The following SLC6A17 variants were observed in gnomAD, a reference collection of about 807,000 sequenced individuals.
The protein encoded by SLC6A17 is solute carrier family 6 member 17.
A neutral mutation model predicts 64.5 loss-of-function variants in SLC6A17; 21 were observed. The ratio of observed to expected loss-of-function variants is 0.33; its 90% confidence interval spans 0.23 to 0.47. The LOEUF (loss-of-function observed/expected upper bound fraction) is 0.47. SLC6A17 is among the 20% of genes least tolerant of loss of function. The pLI is 1.00. For missense variants in SLC6A17, 682 were observed against 963.2 expected (o/e 0.71, Z 3.86); for synonymous variants, 372 against 399.5 (o/e 0.93, Z 0.82).
chr1:110,175,580 A>T (rs1402094097), intron 5 of SLC6A17, among the ~76,000 whole-genome samples: 1 of 152,234 alleles, frequency 6.6e-6, no homozygotes. Context: ...GAGATCCTGT[A>T]TCCCAGACTA....
At chr1:110,178,066 G>T (rs1226583842) in intron 6 of SLC6A17, 1 of 152,016 alleles carries the variant, frequency 6.6e-6, no homozygotes, top group African/African-American at 2.4e-5. Flanking sequence ...ATCTGACAAA[G>T]AAAAAATAAA....
At chr1:110,185,285 A>C (rs1412269331) in intron 6 of SLC6A17, among the ~76,000 whole-genome samples, 1 of 152,194 alleles carries the variant, frequency 6.6e-6, no homozygotes, top group East Asian at 1.9e-4. Flanking sequence ...CATGTGGTAA[A>C]TGTTAGCTAT....
chr1:110,175,133 C>T (rs1453058822), intron 5 of SLC6A17, among the ~76,000 whole-genome samples, 173 bp downstream of exon 5: 1 of 152,190 alleles, frequency 6.6e-6, no homozygotes, highest in African/African-American at 2.4e-5. Flanking sequence ...CCATGGACAG[C>T]CTACCCGGAA....
At chr1:110,188,094 T>G (rs1656731720) in intron 6 of SLC6A17, among the ~76,000 whole-genome samples, 1 of 152,240 alleles carries the variant, frequency 6.6e-6, no homozygotes, top group South Asian at 2.1e-4. Flanking sequence ...ATTCATATTT[T>G]GCTGCAGAAA....
At chr1:110,197,895 C>T (rs1298667416) in intron 11 of SLC6A17, among the ~76,000 whole-genome samples, 181 bp from the exon 12 acceptor site, 1 of 152,208 alleles carries the variant, frequency 6.6e-6, no homozygotes, top group Non-Finnish European at 1.5e-5. Context: ...GGAGAAACCA[C>T]CCTAGACCCT....
chr1:110,186,360 T>C (rs531159345), intron 6 of SLC6A17, among the ~76,000 whole-genome samples: 158 of 151,562 alleles, frequency 1.0e-3, no homozygotes, highest in African/African-American at 3.6e-3. Flanking sequence ...ATGGAAATCT[T>C]AATGATGGTA....
intron 2 of SLC6A17, among the ~76,000 whole-genome samples, chr1:110,171,859 G>T (rs1490076827): frequency 2.0e-5 from 3 of 152,128 alleles, no homozygotes; most frequent in Non-Finnish European, 2.9e-5. Context: ...GGGAGTCAAG[G>T]GGGAGAAGGA....
At chr1:110,158,940 T>C (rs1187398435) in intron 1 of SLC6A17, among the ~76,000 whole-genome samples, 5 of 152,236 alleles carry the variant, frequency 3.3e-5, no homozygotes, top group Admixed American at 6.5e-5. Flanking sequence ...GAAACTTTGA[T>C]GAACCCTTTC....
At chr1:110,170,408 C>T (rs943173662) in intron 2 of SLC6A17, among the ~76,000 whole-genome samples, 4 of 152,242 alleles carry the variant, frequency 2.6e-5, no homozygotes, top group East Asian at 3.9e-4. Context: ...GGTGTGAACC[C>T]GGGAGGCAGA....
chr1:110,165,523 A>C (rs1235026736), intron 1 of SLC6A17, among the ~76,000 whole-genome samples: 1 of 152,182 alleles, frequency 6.6e-6, no homozygotes, highest in Non-Finnish European at 1.5e-5. Context: ...AGCAGGTGTC[A>C]CCTGCTAATG....
chr1:110,153,519 ATGTGTGTGTGTGTG>A (rs3222731), intron 1 of SLC6A17, among the ~76,000 whole-genome samples: 2 of 137,350 alleles, frequency 1.5e-5, no homozygotes, highest in African/African-American at 2.7e-5. Context: ...GCTACTGGAA[ATGTGTGTGTGTGTG>A]TGTGTGTGTG....
chr1:110,174,969 T>C lies in SLC6A17; in HGVS notation c.753+9T>C. ...TCCAGTCCTCGGGGAAGGTGAGTGC[T>C]GAGGGGGGCACCCAGGACCCAAATG... On this transcript the variant is annotated intron_variant, in intron 5 of 11. Coordinates refer to ENST00000331565, the MANE Select transcript of SLC6A17 (RefSeq NM_001010898.4). The C allele has an allele frequency of 6.2e-7, 1 of 1,610,880 alleles. No individual in the cohort carries two copies. The highest frequency in any genetic ancestry group is 2.2e-5 in the East Asian group (1 of 44,818).
rs1280963053 is a variant in SLC6A17 at position 110,194,750 on chromosome 1, G to T, written c.1471G>T (p.Val491Leu). 1.2e-6 allele frequency: 2 copies of T among 1,613,816 alleles called. No homozygotes were observed. The highest frequency in any genetic ancestry group is 2.2e-5 in the East Asian group (1 of 44,882). ...CACGCCCATCATCGACACCTTCAAG[G>T]TGCCCAAGGAGATGTTCACAGGTAA... is the stretch of plus-strand genomic sequence containing the variant. ...ITTPIIDTFK[V>L]PKEMFTVGCC... Residue 491 changes from valine (V) to leucine (L), a missense_variant, in exon 9 of 12, where the codon GTG becomes TTG. Coordinates refer to ENST00000331565, the MANE Select transcript of SLC6A17 (RefSeq NM_001010898.4).
At chr1:110,168,327 C>G (rs934984863) in intron 2 of SLC6A17, 1 of 152,196 alleles carries the variant, frequency 6.6e-6, no homozygotes, top group Non-Finnish European at 1.5e-5. Flanking sequence ...CAGTCCCCTC[C>G]TCTCCAGGAT....
chr1:110,195,485 G>C (rs1488351977), intron 9 of SLC6A17, 101 bp from the exon 10 acceptor site: 11 of 1,425,566 alleles, frequency 7.7e-6, no homozygotes, highest in Non-Finnish European at 1.1e-5. Context: ...GGCATGCTTT[G>C]GGGAGGGATG....
chr1:110,151,068 C>T (rs1347823290), intron 1 of SLC6A17, among the ~76,000 whole-genome samples, 185 bp downstream of exon 1: 1 of 152,236 alleles, frequency 6.6e-6, no homozygotes, highest in African/African-American at 2.4e-5. Context: ...TGCCTGGCGA[C>T]GGAGCCCCGG....
chr1:110,160,552 AG>A (rs1655879623), intron 1 of SLC6A17, among the ~76,000 whole-genome samples: 1 of 152,278 alleles, frequency 6.6e-6, no homozygotes, highest in Non-Finnish European at 1.5e-5. Context: ...AAAAGGGATC[AG>A]GCGTAACGAC....
intron 6 of SLC6A17, among the ~76,000 whole-genome samples, chr1:110,182,126 G>C (rs1001044814): frequency 1.3e-5 from 2 of 152,216 alleles, no homozygotes; most frequent in Admixed American, 6.5e-5. Context: ...TTGAGCCCAG[G>C]TGATGGCAAT....
rs530440552 is a variant in SLC6A17, at chr1:110,194,452, G to T, written c.1300-127G>T. On this transcript the variant is annotated intron_variant, in intron 8 of 11. Transcript: ENST00000331565. ...ACTGGCCAAAATCAACAGGATTTAGGTGGAGGTGGGAACCCCTGTGAAAGA... is the reference window on the plus strand; with the variant it reads ...ACTGGCCAAAATCAACAGGATTTAGTTGGAGGTGGGAACCCCTGTGAAAGA... 1.2e-4 allele frequency: 116 copies of T among 988,344 alleles called. 4 individuals carry two copies. The South Asian group carries it at 1.8e-3, about 15-fold the overall frequency. 61.2% of individuals were successfully genotyped at this position (988,344 alleles called of 1,614,324 possible).
Sources: allele counts gnomAD v4.1 joint callset (sites outside exome capture counted in the v4.1 genomes callset), GRCh38; gene constraint gnomAD v4.1.1; transcripts MANE v1.5; gene names NCBI Gene and HGNC (gene_info 2026-07-23, HGNC 2026-07-21).